SLIT3: variants seen among roughly 807,000 people sequenced by gnomAD.
The protein encoded by SLIT3 is slit homolog 3 protein.
SLIT3 carries 68 observed loss-of-function variants against 184.0 expected under a neutral mutation model. The ratio of observed to expected loss-of-function variants is 0.37; its 90% CI spans 0.30 to 0.45. The LOEUF (loss-of-function observed/expected upper bound fraction) is 0.45. Ranked by LOEUF, SLIT3 falls within the 20% of genes least tolerant of loss-of-function variation. The pLI is 1.00. For missense variants in SLIT3, 1,707 were observed against 2,026.0 expected, an observed-to-expected ratio of 0.84 and a Z score of 3.02; for synonymous variants, 831 against 828.6, an observed-to-expected ratio of 1.00 and a Z score of -0.05.
At chr5:169,008,127 A>G (rs145637212) in intron 4 of SLIT3, among the ~76,000 whole-genome samples, 17 of 152,368 alleles carry the variant, frequency 1.1e-4, no homozygotes, top group African/African-American at 4.1e-4. Context: ...TCTTGGGTAA[A>G]GTTCACACAA....
At chr5:169,062,343 C>T (rs1250643462) in intron 4 of SLIT3, among the ~76,000 whole-genome samples, 1 of 152,192 alleles carries the variant, frequency 6.6e-6, no homozygotes, top group African/African-American at 2.4e-5. Flanking sequence ...CTTATTAAGG[C>T]TTTGGGTGCC....
At chr5:168,922,717 G>A (rs567069516) in intron 4 of SLIT3, among the ~76,000 whole-genome samples, 1 of 152,282 alleles carries the variant, frequency 6.6e-6, no homozygotes, top group South Asian at 2.1e-4. Flanking sequence ...CACAGGAACA[G>A]AGCTTCATGA....
chr5:168,673,783 T>C (rs746551926), intron 32 of SLIT3, among the ~76,000 whole-genome samples: 11 of 152,232 alleles, frequency 7.2e-5, no homozygotes, highest in Non-Finnish European at 1.5e-4. Flanking sequence ...CTTTACAGCA[T>C]TTATTTCCTT....
chr5:169,016,570 A>G (rs1183124250), intron 4 of SLIT3, among the ~76,000 whole-genome samples: 1 of 152,196 alleles, frequency 6.6e-6, no homozygotes, highest in Admixed American at 6.5e-5. Context: ...AAAAACATAT[A>G]ATACATGTAA....
rs774282452 is a variant in SLIT3, at chr5:168,753,037, C to G, written c.1891G>C (p.Val631Leu). 2 of 1,613,962 alleles carry G rather than the reference C, an allele frequency of 1.2e-6. No homozygotes were observed. Among genetic ancestry groups the G allele is most frequent in the African/African-American group, 1.3e-5 (1 of 74,868 alleles). ...SNDTFAGLSS[V>L]RLLSLYDNRI... ...TTGTCATAGAGGGACAGCAGTCTCACCGAACTCAGGCCGGCAAAGGTGTCA... is the reference window on the plus strand; with the variant it reads ...TTGTCATAGAGGGACAGCAGTCTCAGCGAACTCAGGCCGGCAAAGGTGTCA... The change falls in exon 18 of 36, where the codon GTG becomes CTG. Residue 631 changes from valine to leucine, a missense_variant. Transcript: ENST00000519560.
intron 4 of SLIT3, among the ~76,000 whole-genome samples, chr5:168,942,138 C>A (rs1265879319): frequency 6.6e-6 from 1 of 152,188 alleles, no homozygotes; most frequent in Non-Finnish European, 1.5e-5. Flanking sequence ...GGGATGGGCA[C>A]ATGACCAAGC....
At chr5:168,850,391 C>T (rs1758626086) in intron 5 of SLIT3, among the ~76,000 whole-genome samples, 1 of 148,170 alleles carries the variant, frequency 6.7e-6, no homozygotes, top group East Asian at 2.1e-4. Flanking sequence ...CACAAAGACC[C>T]CTGTCTATAA....
At chr5:169,275,586 T>G (rs1189626192) in intron 1 of SLIT3, among the ~76,000 whole-genome samples, 1 of 152,110 alleles carries the variant, frequency 6.6e-6, no homozygotes, top group Non-Finnish European at 1.5e-5. Flanking sequence ...GTAGGGGCAG[T>G]CTCATAATCA....
chr5:168,894,595 A>G (rs1270186208), intron 4 of SLIT3, among the ~76,000 whole-genome samples: 1 of 152,172 alleles, frequency 6.6e-6, no homozygotes, highest in Non-Finnish European at 1.5e-5. Context: ...AGCCACAGAT[A>G]AAGCCTTTGA....
rs1021872753 is a variant in SLIT3, at chr5:169,280,251, T to G, written c.197+20262A>C. On this transcript the variant is annotated intron_variant, in intron 1 of 35. Transcript: ENST00000519560. ...AGGAGGTGCTATCAAAGCAGCAGCA[T>G]CAGAAATAACAGGATCAAATGCTTT... 2.0e-5 allele frequency among the ~76,000 whole-genome samples: 3 copies of G among 152,348 alleles called. 1 individual carries two copies. Among genetic ancestry groups the G allele is most frequent in the Middle Eastern group, 6.8e-3 (2 of 294 alleles).
chr5:168,974,023 G>T (rs2113333469), intron 4 of SLIT3, among the ~76,000 whole-genome samples: 1 of 152,282 alleles, frequency 6.6e-6, no homozygotes, highest in East Asian at 1.9e-4. Context: ...TTCTCGTGTT[G>T]TTTGGAACAC....
intron 4 of SLIT3, among the ~76,000 whole-genome samples, chr5:169,135,593 A>G (rs1237789310): frequency 1.3e-5 from 2 of 152,190 alleles, no homozygotes; most frequent in East Asian, 1.9e-4. Flanking sequence ...GAGGACAAGT[A>G]TTGTTTCATG....
intron 4 of SLIT3, among the ~76,000 whole-genome samples, chr5:168,993,875 T>C (rs1009153534): frequency 1.3e-5 from 2 of 152,214 alleles, no homozygotes; most frequent in African/African-American, 4.8e-5. Context: ...TCTCTTGATG[T>C]TATAACATAA....
chr5:168,964,772 C>T (rs984114016), intron 4 of SLIT3, among the ~76,000 whole-genome samples: 1 of 152,140 alleles, frequency 6.6e-6, no homozygotes, highest in Non-Finnish European at 1.5e-5. Context: ...AGTAGGTGAA[C>T]CCTCTGGAGA....
intron 4 of SLIT3, among the ~76,000 whole-genome samples, chr5:168,971,701 C>T (rs1045998232): frequency 3.9e-5 from 6 of 152,200 alleles, no homozygotes; most frequent in Non-Finnish European, 8.8e-5. Flanking sequence ...GTGCAGATGT[C>T]CACAGCAAGT....
At chr5:169,134,094 C>T (rs569203568) in intron 4 of SLIT3, among the ~76,000 whole-genome samples, 87 of 152,346 alleles carry the variant, frequency 5.7e-4, no homozygotes, top group African/African-American at 1.9e-3. Context: ...ATCCACTGGC[C>T]TTCCTCTAGA....
At chr5:168,864,323 A>G (rs1759223581) in intron 5 of SLIT3, among the ~76,000 whole-genome samples, 1 of 152,224 alleles carries the variant, frequency 6.6e-6, no homozygotes, top group South Asian at 2.1e-4. Flanking sequence ...CATATTATAT[A>G]TAAAGATCAA....
At chr5:168,923,075 T>TAGATGGGAGCAG (rs1562008260) in intron 4 of SLIT3, among the ~76,000 whole-genome samples, 1 of 152,112 alleles carries the variant, frequency 6.6e-6, no homozygotes, top group African/African-American at 2.4e-5. Context: ...AGGGGACTTG[T>TAGATGGGAGCAG]AGGAAATAAA....
chr5:169,217,202 C>A (rs1764468341), intron 3 of SLIT3, among the ~76,000 whole-genome samples: 1 of 148,976 alleles, frequency 6.7e-6, no homozygotes, highest in South Asian at 2.1e-4. Context: ...ACTTTAAGTT[C>A]TTTTGTGAGC....
Sources: gnomAD v4.1 joint callset for allele counts (sites outside exome capture counted in the v4.1 genomes callset) on GRCh38, gnomAD v4.1.1 for gene constraint, MANE v1.5 for transcripts, NCBI Gene and HGNC (gene_info 2026-07-23, HGNC 2026-07-21) for gene names.